Variants in RAB22A observed in about 807,000 individuals in gnomAD.
RAB22A encodes RAB22A, member RAS oncogene family.
RAB22A carries 13 observed loss-of-function variants against 30.2 expected under a neutral mutation model. The observed-to-expected ratio is 0.43, with a 90% CI of 0.28 to 0.68. The LOEUF is 0.68. RAB22A is among the 30% of genes least tolerant of loss of function. The pLI is 0.18. For missense variants in RAB22A, 177 were observed against 246.8 expected, an observed-to-expected ratio of 0.72 and a Z score of 1.89; for synonymous variants, 89 against 87.2, an observed-to-expected ratio of 1.02 and a Z score of -0.11.
chr20:58,337,312 A>G lies in RAB22A; in HGVS notation c.117-6406A>G, dbSNP rs531493347. Among the ~76,000 whole-genome samples the G allele has an allele frequency of 2.6e-5, 4 of 152,160 alleles. No homozygotes were observed. In the South Asian group the frequency reaches 8.3e-4, roughly 32 times the overall value. ...CCTTCTTTCATCTTCAAGGCCCGTC[A>G]TTCTCTTCTCCATTTCCATGTTCAG... On this transcript the variant is annotated intron_variant, in intron 2 of 6. Coordinates refer to ENST00000244040, the MANE Select transcript of RAB22A (RefSeq NM_020673.3).
At chr20:58,324,328 CTCTT>C (rs1986516466) in intron 2 of RAB22A, among the ~76,000 whole-genome samples, 2 of 150,974 alleles carry the variant, frequency 1.3e-5, no homozygotes, top group South Asian at 4.2e-4. Flanking sequence ...AGGATTTTGA[CTCTT>C]TCATATACGT....
At chr20:58,345,006 C>T (rs1986922520) in intron 3 of RAB22A, among the ~76,000 whole-genome samples, 4 of 152,188 alleles carry the variant, frequency 2.6e-5, no homozygotes, top group South Asian at 4.1e-4. Flanking sequence ...TGGACCTTTG[C>T]TAACCATCCC....
At chr20:58,348,889 C>T (rs1600739331) in intron 3 of RAB22A, among the ~76,000 whole-genome samples, 1 of 152,056 alleles carries the variant, frequency 6.6e-6, no homozygotes, top group African/African-American at 2.4e-5. Flanking sequence ...CATAACAGGC[C>T]GCAGGTTAGA....
chr20:58,356,225 C>T lies in RAB22A; in HGVS notation c.487+1960C>T, dbSNP rs369022836. Reference sequence around the variant, plus strand: ...ACTTGTGAGGCTGCGGCAGGAGACTCGCTTGAACCCGGGAGGTGGAGATTG... The same window carrying T: ...ACTTGTGAGGCTGCGGCAGGAGACTTGCTTGAACCCGGGAGGTGGAGATTG... On this transcript the variant is annotated intron_variant, in intron 6 of 6. Coordinates refer to ENST00000244040, the MANE Select transcript of RAB22A (RefSeq NM_020673.3). Among the ~76,000 whole-genome samples, 59 of 151,542 alleles carry T rather than the reference C, an allele frequency of 3.9e-4. No individual in the cohort carries two copies. In the South Asian group the frequency reaches 0.011, roughly 29 times the overall value.
intron 2 of RAB22A, among the ~76,000 whole-genome samples, chr20:58,341,372 G>A (rs1986851123): frequency 6.6e-6 from 1 of 152,108 alleles, no homozygotes; most frequent in Admixed American, 6.6e-5. Context: ...CTCCAGCGAA[G>A]CCACCACCCA....
At chr20:58,358,179 G>A (rs191651534) in intron 6 of RAB22A, among the ~76,000 whole-genome samples, 8 of 152,298 alleles carry the variant, frequency 5.3e-5, no homozygotes, top group Admixed American at 5.2e-4. Context: ...TTATCAGCCA[G>A]GTAGGTAGAT....
At chr20:58,359,194 T>C (rs1161571983) in intron 6 of RAB22A, among the ~76,000 whole-genome samples, 1 of 152,204 alleles carries the variant, frequency 6.6e-6, no homozygotes, top group Non-Finnish European at 1.5e-5. Flanking sequence ...ATGTATTACC[T>C]ACTCAAAACA....
intron 2 of RAB22A, among the ~76,000 whole-genome samples, chr20:58,337,116 G>A (rs1986770067): frequency 6.6e-6 from 1 of 152,180 alleles, no homozygotes. Context: ...AAACTGAGCA[G>A]CTTTAAAAAA....
rs368509623 is a variant in RAB22A, at chr20:58,364,732, C to CTTTTTTTTTT, written c.*5035_*5044dup. On this transcript the variant is annotated 3_prime_UTR_variant, in exon 7 of 7. Coordinates refer to ENST00000244040, the MANE Select transcript of RAB22A (RefSeq NM_020673.3). ...CCGTAAGATAGTAATGATTTTTTTT[C>CTTTTTTTTTT]TTTTTTTTTTTTTTTCTTTTTTTAG... The CTTTTTTTTTT allele has an allele frequency of 4.3e-5, 6 of 138,422 alleles. No individual in the cohort carries two copies. Among genetic ancestry groups the CTTTTTTTTTT allele is most frequent in the Non-Finnish European group, 6.4e-5 (4 of 62,992 alleles). The allele number at this position is 138,422 out of a possible 1,614,324, so 8.6% of individuals were successfully genotyped here.
At chr20:58,318,501 G>A (rs897675025) in intron 2 of RAB22A, among the ~76,000 whole-genome samples, 12 of 151,874 alleles carry the variant, frequency 7.9e-5, no homozygotes, top group Non-Finnish European at 5.9e-5. Flanking sequence ...ATGCTGAACT[G>A]ATATAATGCA....
rs557284962 is a variant in RAB22A at position 58,309,738 on chromosome 20, G to A, written c.-239G>A. 5 of 242,996 alleles carry A rather than the reference G, an allele frequency of 2.1e-5. No individual in the cohort carries two copies. The highest frequency in any genetic ancestry group is 3.1e-5 in the Non-Finnish European group (4 of 128,456). The allele number at this position is 242,996 out of a possible 1,614,324, so 15.1% of individuals were successfully genotyped here. ...TCAGGTGACGCGGCCGGCGTCCCAA[G>A]ATGGCGGCGGCGGCGGCTCCCGGAA... On this transcript the variant is annotated 5_prime_UTR_variant, in exon 1 of 7. Coordinates refer to ENST00000244040, the MANE Select transcript of RAB22A (RefSeq NM_020673.3).
intron 5 of RAB22A, 119 bp from the exon 6 acceptor site, chr20:58,354,037 A>T (rs1247053574): frequency 3.1e-6 from 2 of 638,702 alleles, no homozygotes; most frequent in Non-Finnish European, 5.4e-6. Flanking sequence ...CTCAGGGCCC[A>T]TCCAGCAGCC....
chr20:58,310,881 C>T (rs550349820), intron 1 of RAB22A, among the ~76,000 whole-genome samples, 162 bp from the exon 2 acceptor site: 37 of 152,236 alleles, frequency 2.4e-4, no homozygotes, highest in Non-Finnish European at 4.9e-4. Flanking sequence ...TTCCTAATTA[C>T]TCTACTGAAT....
chr20:58,338,953 A>T (rs910485265), intron 2 of RAB22A, among the ~76,000 whole-genome samples: 2 of 152,256 alleles, frequency 1.3e-5, no homozygotes, highest in Non-Finnish European at 2.9e-5. Flanking sequence ...ACTATATGCC[A>T]TTATGGGGAT....
At chr20:58,310,937 C>T (rs917783055) in intron 1 of RAB22A, 106 bp from the exon 2 acceptor site, 9 of 894,676 alleles carry the variant, frequency 1.0e-5, no homozygotes, top group East Asian at 2.4e-5. Flanking sequence ...AAAATTTACA[C>T]GTCTAGGGTG....
intron 6 of RAB22A, among the ~76,000 whole-genome samples, chr20:58,358,828 T>C (rs925826629): frequency 6.7e-6 from 1 of 150,264 alleles, no homozygotes; most frequent in Admixed American, 6.6e-5. Context: ...CTAGGAAGCT[T>C]AGGTTGCAGT....
intron 3 of RAB22A, among the ~76,000 whole-genome samples, chr20:58,349,342 T>TA (rs1327792056): frequency 6.6e-6 from 1 of 152,196 alleles, no homozygotes; most frequent in Non-Finnish European, 1.5e-5. Flanking sequence ...AGCTAGTACT[T>TA]AAGCAGAAAG....
chr20:58,357,891 G>A (rs1228412892), intron 6 of RAB22A, among the ~76,000 whole-genome samples: 1 of 152,232 alleles, frequency 6.6e-6, no homozygotes, highest in East Asian at 1.9e-4. Flanking sequence ...CCTTGTTAAT[G>A]TCAAAAGGTG....
chr20:58,314,908 C>CGAT (rs2063370178), intron 2 of RAB22A, among the ~76,000 whole-genome samples: 1 of 151,388 alleles, frequency 6.6e-6, no homozygotes, highest in Admixed American at 6.6e-5. Context: ...TGGTGAGGGA[C>CGAT]GGTGGGTAGA....
Sources: gnomAD v4.1 joint callset for allele counts (sites outside exome capture counted in the v4.1 genomes callset) on GRCh38, gnomAD v4.1.1 for gene constraint, MANE v1.5 for transcripts, NCBI Gene and HGNC (gene_info 2026-07-23, HGNC 2026-07-21) for gene names.